CASP2: variants seen among roughly 807,000 people sequenced by gnomAD.
The protein encoded by CASP2 is caspase 2.
CASP2 carries 38 observed loss-of-function variants against 54.4 expected under a neutral mutation model. The ratio of observed to expected loss-of-function variants is 0.70; its 90% CI spans 0.54 to 0.92. The LOEUF (loss-of-function observed/expected upper bound fraction) is 0.92, where lower values mean the gene tolerates loss of function less well. Ranked by LOEUF, CASP2 falls within the 40% of genes least tolerant of loss-of-function variation. The pLI, the probability that CASP2 is intolerant of heterozygous loss-of-function variation, is 0.00. For synonymous variants in CASP2, 215 were observed against 216.3 expected (o/e 0.99, Z 0.05); for missense variants, 512 against 579.6 (o/e 0.88, Z 1.20).
chr7:143,292,773 G>T, intron 4 of CASP2, 75 bp downstream of exon 4: 1 of 1,222,550 alleles, frequency 8.2e-7, no homozygotes, highest in Middle Eastern at 2.7e-4. Flanking sequence ...CACTTTGCGG[G>T]GCCAAGGCGG....
In CASP2 at chr7:143,292,610, C is replaced by T; in HGVS notation, c.394-7C>T. 1 of 1,613,796 alleles carries T rather than the reference C, an allele frequency of 6.2e-7. No homozygotes were observed. The highest frequency in any genetic ancestry group is 8.5e-7 in the Non-Finnish European group (1 of 1,179,766). ...GGTCTGTCATCATGAGTTTTGATTT[C>T]TTACAGTTGAGCTGTGACTACGACT... On this transcript the variant is annotated splice_polypyrimidine_tract_variant and splice_region_variant and intron_variant, in intron 3 of 10. Transcript: ENST00000310447.
chr7:143,294,392 C>T lies in CASP2; in HGVS notation c.570+68C>T, dbSNP rs559525565. On this transcript the variant is annotated intron_variant, in intron 5 of 10. Transcript: ENST00000310447. ...TAGACACCCTTCCTGGGAACCTGAA[C>T]TTAGTTTGCATGTACATTTCCTTTC... 6.6e-4 allele frequency: 788 copies of T among 1,185,006 alleles called. 1 individual carries two copies. Among genetic ancestry groups the T allele is most frequent in the Non-Finnish European group, 8.6e-4 (685 of 792,722 alleles). The allele number at this position is 1,185,006 out of a possible 1,614,324, so 73.4% of individuals were successfully genotyped here.
At position 143,305,145 on chromosome 7, in the gene CASP2, A is replaced by G. The variant is rs1197542365; in HGVS notation, c.*74A>G. 2.4e-5 allele frequency: 38 copies of G among 1,578,798 alleles called. No individual in the cohort carries two copies. The highest frequency in any genetic ancestry group is 3.2e-5 in the Non-Finnish European group (37 of 1,149,486). On this transcript the variant is annotated 3_prime_UTR_variant, in exon 11 of 11. Transcript: ENST00000310447. Reference sequence around the variant, plus strand: ...AGGTGTGATAGAGCCTTTGATCTTCAGGATGCACGGTTTCTGTTCTGCCCC... The same window carrying G: ...AGGTGTGATAGAGCCTTTGATCTTCGGGATGCACGGTTTCTGTTCTGCCCC...
In CASP2 at chr7:143,288,423, G is replaced by A. The variant is rs781607461; in HGVS notation, c.-33G>A. 16 of 1,607,728 alleles carry A rather than the reference G, an allele frequency of 1.0e-5. No individual in the cohort carries two copies. The highest frequency in any genetic ancestry group is 3.3e-5 in the Admixed American group (2 of 59,808). The stretch of plus-strand genomic sequence containing the variant: ...CCCCCGGTTTGTTTGGGCTGTGGGC[G>A]GTGCGCAGCGGAGAGCCCGGGAAAA... On this transcript the variant is annotated 5_prime_UTR_variant, in exon 1 of 11. Transcript: ENST00000310447.
chr7:143,296,318 T>C lies in CASP2; in HGVS notation c.747+1545T>C, dbSNP rs542799045. ...TCAAGCACCTTATAATGGGGGACTA[T>C]GTGAGCTGCCACAGATTTTAAAGAT... is the stretch of plus-strand genomic sequence containing the variant. On this transcript the variant is annotated intron_variant, in intron 6 of 10. Transcript: ENST00000310447. Among the ~76,000 whole-genome samples, 12 of 152,372 alleles carry C rather than the reference T, an allele frequency of 7.9e-5. No homozygotes were observed. The South Asian group carries it at 1.4e-3, about 18-fold the overall frequency.
At chr7:143,294,424 A>G (rs1466000466) in intron 5 of CASP2, 100 bp downstream of exon 5, 17 of 1,056,808 alleles carry the variant, frequency 1.6e-5, no homozygotes, top group Non-Finnish European at 2.4e-5. Flanking sequence ...TTTCTGCCTT[A>G]TTAGTCAGAA....
intron 10 of CASP2, 52 bp downstream of exon 10, chr7:143,304,835 C>A (rs766952753): frequency 1.2e-6 from 2 of 1,605,088 alleles, no homozygotes; most frequent in East Asian, 4.5e-5. Context: ...GCTCTACTTT[C>A]CTCCTCTCTT....
chr7:143,304,222 G>C (rs1238711569), intron 9 of CASP2, among the ~76,000 whole-genome samples: 1 of 152,114 alleles, frequency 6.6e-6, no homozygotes, highest in East Asian at 1.9e-4. Context: ...CAGATTTTTT[G>C]GATTTGGGAT....
Position 143,305,035 on chromosome 7 carries a change from C to T in CASP2, c.1323C>T (p.Arg441=). 6.2e-7 allele frequency: 1 copy of T among 1,614,236 alleles called. No individual in the cohort carries two copies. Among genetic ancestry groups the T allele is most frequent in the Non-Finnish European group, 8.5e-7 (1 of 1,180,048 alleles). Residue 441 remains arginine (R), a synonymous_variant, in exon 11 of 11, where the codon CGC becomes CGT. Coordinates refer to ENST00000310447, the MANE Select transcript of CASP2 (RefSeq NM_032982.4). ...CTGAATACTGCAGCACTCTGTGCCG[C>T]CACCTCTACCTGTTCCCAGGACACC... ...EMSEYCSTLC[R]HLYLFPGHPP...
chr7:143,295,572 G>A (rs2116779379), intron 6 of CASP2, among the ~76,000 whole-genome samples: 1 of 152,298 alleles, frequency 6.6e-6, no homozygotes, highest in African/African-American at 2.4e-5. Flanking sequence ...AACTTGCTTT[G>A]AGGTTGTCAG....
chr7:143,304,899 C>T (rs747332564), intron 10 of CASP2, 41 bp from the exon 11 acceptor site: 14 of 1,613,986 alleles, frequency 8.7e-6, no homozygotes, highest in South Asian at 1.1e-5. Flanking sequence ...TCCTGAAGCC[C>T]GAGATTCTCA....
At chr7:143,292,236 G>A (rs1801596939) in intron 2 of CASP2, 64 bp from the exon 3 acceptor site, 3 of 1,545,450 alleles carry the variant, frequency 1.9e-6, no homozygotes, top group Admixed American at 1.7e-5. Context: ...GGAAGCTCAT[G>A]TGGAGAAATA....
In CASP2 at chr7:143,305,080, C is replaced by A. The variant is rs1445479818; in HGVS notation, c.*9C>A. On this transcript the variant is annotated 3_prime_UTR_variant, in exon 11 of 11. Transcript: ENST00000310447. ...GACACCCTCCCACATGATGTCACCT[C>A]CCCATCATCCACGCCAAGTGGAAGC... 1.2e-6 allele frequency: 2 copies of A among 1,614,240 alleles called. No individual in the cohort carries two copies. The highest frequency in any genetic ancestry group is 8.5e-7 in the Non-Finnish European group (1 of 1,180,028).
chr7:143,303,609 G>A (rs1801984190), intron 8 of CASP2, 175 bp from the exon 9 acceptor site: 2 of 574,522 alleles, frequency 3.5e-6, no homozygotes, highest in Non-Finnish European at 6.2e-6. Context: ...GATGCATGCT[G>A]AGAGAGTAAT....
At chr7:143,293,646 A>G (rs1175732158) in intron 4 of CASP2, among the ~76,000 whole-genome samples, 1 of 151,806 alleles carries the variant, frequency 6.6e-6, no homozygotes, top group Non-Finnish European at 1.5e-5. Context: ...AGTAGCTAGG[A>G]TTACAGGTGC....
chr7:143,305,170 C>G lies in CASP2; in HGVS notation c.*99C>G, dbSNP rs934077471. 1.4e-6 allele frequency: 2 copies of G among 1,476,106 alleles called. No homozygotes were observed. Among genetic ancestry groups the G allele is most frequent in the African/African-American group, 2.8e-5 (2 of 71,878 alleles). The allele number at this position is 1,476,106 out of a possible 1,614,324, so 91.4% of individuals were successfully genotyped here. On this transcript the variant is annotated 3_prime_UTR_variant, in exon 11 of 11. Coordinates refer to ENST00000310447, the MANE Select transcript of CASP2 (RefSeq NM_032982.4). The stretch of plus-strand genomic sequence containing the variant: ...AGGATGCACGGTTTCTGTTCTGCCC[C>G]CTCAGGGATGTGGGAATCTCCCAGA...
chr7:143,305,872 C>T lies in CASP2; in HGVS notation c.*801C>T, dbSNP rs951351511. On this transcript the variant is annotated 3_prime_UTR_variant, in exon 11 of 11. Coordinates refer to ENST00000310447, the MANE Select transcript of CASP2 (RefSeq NM_032982.4). ...GTTTCCCTAGACTCTGTAACCACCT[C>T]TCTGTCTTTTTCCTTCCTGAGAAAC... 1 of 152,376 alleles carries T rather than the reference C, an allele frequency of 6.6e-6. No homozygotes were observed. The highest frequency in any genetic ancestry group is 2.1e-4 in the South Asian group (1 of 4,834). 9.4% of individuals were successfully genotyped at this position (152,376 alleles called of 1,614,324 possible). A position where few individuals can be genotyped will look rare whatever the true frequency, so the allele number is the denominator to read the frequency against.
intron 6 of CASP2, among the ~76,000 whole-genome samples, chr7:143,296,886 AG>A (rs1801770976): frequency 6.6e-6 from 1 of 152,198 alleles, no homozygotes; most frequent in Non-Finnish European, 1.5e-5. Flanking sequence ...CTCACTGCCC[AG>A]ATGTTTTCAC....
At position 143,288,395 on chromosome 7, in the gene CASP2, C is replaced by A. The variant is rs1021154461; in HGVS notation, c.-61C>A. 7.8e-6 allele frequency: 12 copies of A among 1,540,200 alleles called. 1 individual carries two copies. In the South Asian group the frequency reaches 1.1e-4, roughly 15 times the overall value. On this transcript the variant is annotated 5_prime_UTR_variant, in exon 1 of 11. Transcript: ENST00000310447. Reference sequence around the variant, plus strand: ...GAGGGGAGGGATGTGGGGGAAGCGACGGCCCCCGGTTTGTTTGGGCTGTGG... The same window carrying A: ...GAGGGGAGGGATGTGGGGGAAGCGAAGGCCCCCGGTTTGTTTGGGCTGTGG...
Sources: gnomAD v4.1 joint callset for allele counts (sites outside exome capture counted in the v4.1 genomes callset) on GRCh38, gnomAD v4.1.1 for gene constraint, MANE v1.5 for transcripts, NCBI Gene and HGNC (gene_info 2026-07-23, HGNC 2026-07-21) for gene names.